Variants in PTPRD observed in about 807,000 individuals in gnomAD.
PTPRD encodes the protein protein tyrosine phosphatase receptor type D, also known as receptor-type tyrosine-protein phosphatase delta.
Under a neutral mutation model 214.5 loss-of-function variants are expected in PTPRD, and 34 were observed. The ratio of observed to expected loss-of-function variants is 0.16; its 90% CI spans 0.12 to 0.21. The LOEUF is 0.21. Among genes scored for constraint, PTPRD ranks in the 10% least tolerant of loss-of-function variants. PTPRD has a pLI of 1.00. For synonymous variants in PTPRD, 1,128 were observed against 845.7 expected, an observed-to-expected ratio of 1.33 and a Z score of -5.79; for missense variants, 2,545 against 2,398.7, an observed-to-expected ratio of 1.06 and a Z score of -1.27.
chr9:10,473,441 G>C (rs2099043841), intron 2 of PTPRD, among the ~76,000 whole-genome samples: 1 of 152,016 alleles, frequency 6.6e-6, no homozygotes, highest in African/African-American at 2.4e-5. Context: ...TAGTGAACTT[G>C]GAAGAAGAGA....
intron 7 of PTPRD, among the ~76,000 whole-genome samples, chr9:9,636,901 G>T (rs556693901): frequency 2.6e-4 from 39 of 152,256 alleles, no homozygotes; most frequent in African/African-American, 9.4e-4. Context: ...ATCTGGTAAG[G>T]GGGGCGAGTC....
chr9:9,891,935 A>G (rs867446817), intron 5 of PTPRD, among the ~76,000 whole-genome samples: 24 of 152,204 alleles, frequency 1.6e-4, no homozygotes, highest in African/African-American at 5.5e-4. Context: ...CATCCCACAT[A>G]TTTTACTATT....
chr9:9,189,356 C>T (rs10816061), intron 9 of PTPRD, among the ~76,000 whole-genome samples: 25,885 of 152,028 alleles, frequency 0.17, 2,808 homozygotes, highest in Admixed American at 0.29. Flanking sequence ...TAGTAGTTAA[C>T]TGCAGATATA....
intron 10 of PTPRD, among the ~76,000 whole-genome samples, chr9:9,138,184 A>C (rs2154479200): frequency 6.6e-6 from 1 of 152,212 alleles, no homozygotes; most frequent in East Asian, 1.9e-4. Context: ...AAAACTTCCC[A>C]AAATGTGACT....
At chr9:9,181,450 C>G (rs2099928158) in intron 10 of PTPRD, among the ~76,000 whole-genome samples, 2 of 151,792 alleles carry the variant, frequency 1.3e-5, no homozygotes, top group African/African-American at 4.8e-5. Context: ...TGTGTGTGAG[C>G]AGACAGGTTC....
intron 14 of PTPRD, among the ~76,000 whole-genome samples, chr9:8,629,279 G>A (rs1233051423): frequency 6.6e-6 from 1 of 151,714 alleles, no homozygotes; most frequent in Non-Finnish European, 1.5e-5. Context: ...AGTACCCTTG[G>A]ACTCTTACTA....
At chr9:9,596,136 A>G (rs932658246) in intron 7 of PTPRD, among the ~76,000 whole-genome samples, 5 of 151,874 alleles carry the variant, frequency 3.3e-5, no homozygotes, top group Non-Finnish European at 5.9e-5. Context: ...TGGATACACT[A>G]TTTATCATTA....
intron 4 of PTPRD, among the ~76,000 whole-genome samples, chr9:9,990,065 T>G (rs987420655): frequency 6.6e-6 from 1 of 152,188 alleles, no homozygotes; most frequent in Non-Finnish European, 1.5e-5. Context: ...GTCCTCGGAC[T>G]TTCCTCTGAG....
intron 9 of PTPRD, among the ~76,000 whole-genome samples, chr9:9,241,156 T>A (rs1379788549): frequency 6.6e-6 from 1 of 152,202 alleles, no homozygotes; most frequent in Non-Finnish European, 1.5e-5. Context: ...GATTACTTAT[T>A]TGAAATTTTG....
chr9:10,030,499 A>G (rs1441400), intron 4 of PTPRD, among the ~76,000 whole-genome samples: 34,772 of 152,140 alleles, frequency 0.23, 5,011 homozygotes, highest in Middle Eastern at 0.31. Flanking sequence ...CCTTGAAGCT[A>G]CAAGAGTAGA....
At chr9:9,151,231 G>A (rs954120062) in intron 10 of PTPRD, among the ~76,000 whole-genome samples, 12 of 152,244 alleles carry the variant, frequency 7.9e-5, no homozygotes, top group Non-Finnish European at 1.2e-4. Context: ...TGAGGTTTTT[G>A]TTTGGGCATC....
intron 12 of PTPRD, among the ~76,000 whole-genome samples, chr9:8,688,844 T>C (rs1422562659): frequency 6.6e-6 from 1 of 152,192 alleles, no homozygotes; most frequent in Non-Finnish European, 1.5e-5. Flanking sequence ...GAAAAACGAA[T>C]GGTTTTATCC....
intron 2 of PTPRD, among the ~76,000 whole-genome samples, chr9:10,401,624 T>C (rs2098271150): frequency 6.7e-6 from 1 of 148,190 alleles, no homozygotes; most frequent in Non-Finnish European, 1.5e-5. Context: ...AGTATATCTA[T>C]AGTATTAAAT....
At chr9:9,080,732 G>A (rs1301585892) in intron 10 of PTPRD, among the ~76,000 whole-genome samples, 1 of 152,082 alleles carries the variant, frequency 6.6e-6, no homozygotes, top group Non-Finnish European at 1.5e-5. Flanking sequence ...TTGGGAGGGT[G>A]TATGTGTTCA....
At chr9:9,083,219 A>G (rs2099761812) in intron 10 of PTPRD, among the ~76,000 whole-genome samples, 4 of 152,168 alleles carry the variant, frequency 2.6e-5, no homozygotes, top group African/African-American at 9.7e-5. Flanking sequence ...GAACAATGGA[A>G]CAGAACCCAG....
intron 2 of PTPRD, among the ~76,000 whole-genome samples, chr9:10,557,068 G>C (rs2062778165): frequency 6.6e-6 from 1 of 151,970 alleles, no homozygotes; most frequent in Non-Finnish European, 1.5e-5. Context: ...AGGTTTTCAA[G>C]CACATAATTG....
At position 9,367,024 on chromosome 9, in the gene PTPRD, C is replaced by T. The variant is rs562119350; in HGVS notation, c.-203+30425G>A. Among the ~76,000 whole-genome samples the T allele has an allele frequency of 6.0e-4, 90 of 150,854 alleles. 1 individual carries two copies. Among genetic ancestry groups the T allele is most frequent in the African/African-American group, 1.8e-3 (75 of 41,230 alleles). ...AAACAAATCTCAGGATATTGTAATA[C>T]ATTGAAAAATGATAAATTTTAAGAA... On this transcript the variant is annotated intron_variant, in intron 9 of 45. Coordinates refer to ENST00000381196, the MANE Select transcript of PTPRD (RefSeq NM_002839.4).
rs555727943 is a variant in PTPRD, at chr9:10,209,666, A to G, written c.-545+131297T>C. On this transcript the variant is annotated intron_variant, in intron 3 of 45. Transcript: ENST00000381196. The stretch of plus-strand genomic sequence containing the variant: ...TTTGGATTTTATTGTGCATTGGTAC[A>G]CAGGGCCTTTGATCTCGTATTTTTC... Among the ~76,000 whole-genome samples the G allele has an allele frequency of 5.9e-5, 9 of 152,182 alleles. No individual in the cohort carries two copies. In the South Asian group the frequency reaches 1.9e-3, roughly 32 times the overall value.
At chr9:8,602,088 G>C (rs569760587) in intron 14 of PTPRD, among the ~76,000 whole-genome samples, 40 of 151,970 alleles carry the variant, frequency 2.6e-4, no homozygotes, top group Non-Finnish European at 4.0e-4. Context: ...ATGAAAAGGA[G>C]GGAAAAATGG....
Sources: gnomAD v4.1 joint callset for allele counts (sites outside exome capture counted in the v4.1 genomes callset) on GRCh38, gnomAD v4.1.1 for gene constraint, MANE v1.5 for transcripts, NCBI Gene and HGNC (gene_info 2026-07-23, HGNC 2026-07-21) for gene names.